Variants in SORBS2 observed in about 807,000 individuals in gnomAD.
SORBS2 encodes the protein sorbin and SH3 domain-containing protein 2.
In SORBS2, 46 loss-of-function variants were observed where a neutral mutation model predicts 97.7. The observed-to-expected ratio is 0.47, with a 90% CI of 0.37 to 0.60. The LOEUF is 0.60. Ranked by LOEUF, SORBS2 falls within the 20% of genes least tolerant of loss-of-function variation. SORBS2 has a pLI of 0.00. For synonymous variants in SORBS2, 476 were observed against 473.4 expected, an observed-to-expected ratio of 1.01 and a Z score of -0.07; for missense variants, 1,316 against 1,282.3, an observed-to-expected ratio of 1.03 and a Z score of -0.40.
rs755252574 is a variant in SORBS2, at chr4:185,684,868, A to C, written c.-197-6046T>G. The C allele has an allele frequency of 2.6e-6, 4 of 1,542,332 alleles. No homozygotes were observed. In the South Asian group the frequency reaches 4.8e-5, roughly 18 times the overall value. On this transcript the variant is annotated intron_variant, in intron 2 of 20. Coordinates refer to the SORBS2 transcript ENST00000284776. The surrounding 1 kb of genome is among the most constrained non-coding windows in gnomAD (Gnocchi z 4.2). ...CTATCTGGAAGCAAAAAAATGATAT[A>C]GCAGAGGCCAAGGCAACGGGAAAAG...
chr4:185,939,457 C>T (rs1024179706), intron 1 of SORBS2, among the ~76,000 whole-genome samples: 12 of 152,186 alleles, frequency 7.9e-5, no homozygotes, highest in African/African-American at 2.9e-4. Flanking sequence ...CTCTATTTCT[C>T]CCTTCTCCTT....
At chr4:185,631,339 CA>C (rs2153433580) in intron 4 of SORBS2, among the ~76,000 whole-genome samples, 1 of 152,262 alleles carries the variant, frequency 6.6e-6, no homozygotes, top group East Asian at 1.9e-4. Context: ...AGATAGTAAG[CA>C]AAAATGATAA....
At chr4:185,910,849 A>G (rs535163330) in intron 1 of SORBS2, among the ~76,000 whole-genome samples, 1 of 152,340 alleles carries the variant, frequency 6.6e-6, no homozygotes, top group Admixed American at 6.5e-5. Flanking sequence ...TAATTTCTCT[A>G]CATCAGTAAA....
Position 185,854,006 on chromosome 4 carries a change from G to A in SORBS2, c.-337-78640C>T, listed in dbSNP as rs538831724. 7.9e-5 allele frequency among the ~76,000 whole-genome samples: 12 copies of A among 152,292 alleles called. 3 individuals are homozygous for A. Among genetic ancestry groups the A allele is most frequent in the African/African-American group, 2.6e-4 (11 of 41,564 alleles). On this transcript the variant is annotated intron_variant, in intron 1 of 20. Transcript: ENST00000284776. ...GTCTCTGAAATGAAATACTCCATAC[G>A]TGAATCATCCATTACAGTCTTCAAA... is the stretch of plus-strand genomic sequence containing the variant.
chr4:185,882,086 A>G (rs373360080), intron 1 of SORBS2, among the ~76,000 whole-genome samples: 62 of 152,276 alleles, frequency 4.1e-4, no homozygotes, highest in African/African-American at 1.5e-3. Context: ...GCAAAATTAT[A>G]TTTGGTATCT....
chr4:185,742,032 G>C (rs2098730563), intron 2 of SORBS2, among the ~76,000 whole-genome samples: 1 of 152,132 alleles, frequency 6.6e-6, no homozygotes, highest in Admixed American at 6.5e-5. Context: ...GCCTTTCTCT[G>C]AAATCGGCAT....
exon 15 of SORBS2, chr4:185,587,648 T>G: frequency 1.2e-6 from 2 of 1,613,518 alleles, no homozygotes; most frequent in Non-Finnish European, 1.7e-6. Context: ...TGACGTAGTT[T>G]CCGGGGAAAG....
intron 1 of SORBS2, among the ~76,000 whole-genome samples, chr4:185,893,043 G>A (rs775831427): frequency 1.4e-4 from 21 of 152,104 alleles, no homozygotes; most frequent in Non-Finnish European, 2.5e-4. Flanking sequence ...TGAACACTCC[G>A]ATTACTATTG....
chr4:185,919,880 A>G (rs2099260158), intron 1 of SORBS2, among the ~76,000 whole-genome samples: 1 of 152,266 alleles, frequency 6.6e-6, no homozygotes, highest in Non-Finnish European at 1.5e-5. Context: ...TTGATGCTCA[A>G]TAATACATGG....
intron 4 of SORBS2, chr4:185,666,225 T>A: frequency 8.4e-7 from 1 of 1,187,846 alleles, no homozygotes; most frequent in Non-Finnish European, 1.1e-6. Flanking sequence ...GAGGAAAAAA[T>A]AATAAGAGAT....
rs188902248 is a variant in SORBS2 at position 185,637,083 on chromosome 4, C to T, written c.397-6485G>A. Among the ~76,000 whole-genome samples the T allele has an allele frequency of 1.0e-3, 158 of 152,334 alleles. 1 individual carries two copies. Among genetic ancestry groups the T allele is most frequent in the Non-Finnish European group, 4.4e-5 (3 of 68,024 alleles). On this transcript the variant is annotated intron_variant, in intron 4 of 14. Transcript: ENST00000418609. The stretch of plus-strand genomic sequence containing the variant: ...TGGAAATTAAGATCCACAGGACTTC[C>T]TGATTTTTTTCTTTCCTTATATCCC...
intron 2 of SORBS2, among the ~76,000 whole-genome samples, chr4:185,707,486 T>G (rs890316072): frequency 6.6e-6 from 1 of 150,858 alleles, no homozygotes; most frequent in African/African-American, 2.4e-5. Flanking sequence ...CTATAATTAC[T>G]CTAAGACAAA....
At chr4:185,759,016 G>A (rs2098847341) in intron 2 of SORBS2, among the ~76,000 whole-genome samples, 1 of 152,202 alleles carries the variant, frequency 6.6e-6, no homozygotes, top group Non-Finnish European at 1.5e-5. Context: ...GGGAATTTAA[G>A]CTCTGTGGGG....
At chr4:185,932,411 G>A (rs973980818) in intron 1 of SORBS2, among the ~76,000 whole-genome samples, 1 of 151,680 alleles carries the variant, frequency 6.6e-6, no homozygotes, top group Non-Finnish European at 1.5e-5. Context: ...TTCGATGATA[G>A]TCTTACTTCT....
intron 14 of SORBS2, among the ~76,000 whole-genome samples, chr4:185,588,881 C>G (rs2095855352): frequency 6.6e-6 from 1 of 152,102 alleles, no homozygotes; most frequent in Non-Finnish European, 1.5e-5. Flanking sequence ...TCCCAAAGTG[C>G]TAGAATTACA....
chr4:185,929,530 G>GTTTTTTTT (rs367695815), intron 1 of SORBS2, among the ~76,000 whole-genome samples: 1 of 135,128 alleles, frequency 7.4e-6, no homozygotes. Flanking sequence ...TTTTTGTTGG[G>GTTTTTTTT]TTTTTTTTTT....
intron 2 of SORBS2, among the ~76,000 whole-genome samples, chr4:185,705,167 C>T (rs945898902): frequency 6.6e-6 from 1 of 152,212 alleles, no homozygotes; most frequent in African/African-American, 2.4e-5. Flanking sequence ...TAGTTCAGTA[C>T]AGGACTACCC....
chr4:185,924,498 T>G (rs1340868414), intron 1 of SORBS2, among the ~76,000 whole-genome samples: 1 of 152,220 alleles, frequency 6.6e-6, no homozygotes, highest in Non-Finnish European at 1.5e-5. Context: ...TGTACGCCAT[T>G]AGAAACTGGG....
At position 185,714,184 on chromosome 4, in the gene SORBS2, A is replaced by G. The variant is rs76851779; in HGVS notation, c.-197-35362T>C. 4.8e-3 allele frequency among the ~76,000 whole-genome samples: 726 copies of G among 152,366 alleles called. 9 individuals carry two copies. The highest frequency in any genetic ancestry group is 0.016 in the African/African-American group (666 of 41,574). ...TGAGGCATTGCTTTATCAAAATAAT[A>G]CATTTGCATTTTAACAGATTTTCTT... On this transcript the variant is annotated intron_variant, in intron 2 of 20. Transcript: ENST00000284776.
Sources: gnomAD v4.1 joint callset for allele counts (sites outside exome capture counted in the v4.1 genomes callset) on GRCh38, gnomAD v4.1.1 for gene constraint, Gnocchi (gnomAD v3.1) non-coding constraint, MANE v1.5 for transcripts, NCBI Gene and HGNC (gene_info 2026-07-23, HGNC 2026-07-21) for gene names.